Variants in ATP10A observed in about 807,000 individuals in gnomAD.
ATP10A encodes the protein ATPase phospholipid transporting 10A (putative).
ATP10A carries 111 observed loss-of-function variants against 147.8 expected under a neutral mutation model. The observed-to-expected ratio is 0.75, with a 90% CI of 0.64 to 0.88. The LOEUF is 0.88. Ranked by LOEUF, ATP10A falls within the 40% of genes least tolerant of loss-of-function variation. The probability of loss-of-function intolerance (pLI) is 0.00; values close to 1 mark genes in which losing one functional copy is unlikely to be tolerated. For synonymous variants in ATP10A, 875 were observed against 841.6 expected (o/e 1.04, Z -0.69); for missense variants, 1,927 against 1,959.0 (o/e 0.98, Z 0.31).
chr15:25,827,320 T>G (rs140202002), intron 1 of ATP10A, among the ~76,000 whole-genome samples: 52 of 152,278 alleles, frequency 3.4e-4, no homozygotes, highest in Admixed American at 1.2e-3. Context: ...CTTGAATAGA[T>G]CAGAAGAAAT....
chr15:25,808,801 A>C (rs1048895130), intron 1 of ATP10A, among the ~76,000 whole-genome samples: 1 of 152,188 alleles, frequency 6.6e-6, no homozygotes, highest in Non-Finnish European at 1.5e-5. Flanking sequence ...TACCAACTTT[A>C]TGCCAAATGC....
At chr15:25,733,440 G>A (rs897303202) in intron 3 of ATP10A, among the ~76,000 whole-genome samples, 1 of 152,204 alleles carries the variant, frequency 6.6e-6, no homozygotes, top group African/African-American at 2.4e-5. Context: ...TACCCCGGGA[G>A]TATTCCTCAC....
intron 2 of ATP10A, among the ~76,000 whole-genome samples, chr15:25,763,425 T>C (rs1888862721): frequency 6.6e-6 from 1 of 152,184 alleles, no homozygotes. Flanking sequence ...CACTTCCTCC[T>C]GGTGAAGTTG....
chr15:25,768,540 C>CTTTT (rs59228132), intron 2 of ATP10A, among the ~76,000 whole-genome samples: 1 of 132,218 alleles, frequency 7.6e-6, no homozygotes, highest in African/African-American at 2.8e-5. Flanking sequence ...CTCTCTCTCT[C>CTTTT]TTTTTTTTTT....
rs147170590 is a variant in ATP10A at position 25,680,932 on chromosome 15, C to A, written c.3574-18G>T. On this transcript the variant is annotated intron_variant, in intron 18 of 20. Transcript: ENST00000555815. ...TAGTAGGCCTGAAAGACAGTGGGGT[C>A]CTGGATCTGTAGGTCCCCGGATCCA... is the stretch of plus-strand genomic sequence containing the variant. 6.2e-7 allele frequency: 1 copy of A among 1,613,756 alleles called. No individual in the cohort carries two copies. Among genetic ancestry groups the A allele is most frequent in the African/African-American group, 1.3e-5 (1 of 75,004 alleles).
intron 2 of ATP10A, among the ~76,000 whole-genome samples, chr15:25,755,472 C>T (rs148922197): frequency 8.3e-4 from 126 of 152,288 alleles, no homozygotes; most frequent in East Asian, 1.2e-3. Flanking sequence ...AGTGTTTCAG[C>T]TCCATGGCAA....
At chr15:25,737,902 C>T (rs978242645) in intron 2 of ATP10A, among the ~76,000 whole-genome samples, 12 of 152,102 alleles carry the variant, frequency 7.9e-5, no homozygotes, top group African/African-American at 2.9e-4. Flanking sequence ...AAAAAAGAGG[C>T]CTCAAAAGAA....
chr15:25,785,560 G>C (rs1244141989), intron 1 of ATP10A, among the ~76,000 whole-genome samples: 1 of 152,228 alleles, frequency 6.6e-6, no homozygotes, highest in African/African-American at 2.4e-5. Context: ...ACAGGCTGTA[G>C]TGACAGAAAC....
At chr15:25,805,285 C>T (rs1380427998) in intron 1 of ATP10A, among the ~76,000 whole-genome samples, 1 of 152,190 alleles carries the variant, frequency 6.6e-6, no homozygotes, top group African/African-American at 2.4e-5. Context: ...GGGACTGGAG[C>T]CACGCCACCA....
intron 2 of ATP10A, among the ~76,000 whole-genome samples, chr15:25,764,900 T>C (rs1284943325): frequency 6.6e-6 from 1 of 152,092 alleles, no homozygotes; most frequent in East Asian, 1.9e-4. Context: ...CATGACTGGG[T>C]TCAGGAAATG....
Position 25,707,961 on chromosome 15 carries a change from T to C in ATP10A, c.2575+15A>G, listed in dbSNP as rs1901143761. 6.2e-7 allele frequency: 1 copy of C among 1,613,300 alleles called. No individual in the cohort carries two copies. Among genetic ancestry groups the C allele is most frequent in the African/African-American group, 1.3e-5 (1 of 75,048 alleles). On this transcript the variant is annotated intron_variant, in intron 12 of 20. Transcript: ENST00000555815. ...TCCACACTGCCCTTAGGCATGCGAC[T>C]CTCAAGTTAATTACCTAACAAGTGC...
chr15:25,672,912 G>C (rs1470315403), downstream of ATP10A, among the ~76,000 whole-genome samples: 1 of 152,170 alleles, frequency 6.6e-6, no homozygotes, highest in Non-Finnish European at 1.5e-5. Context: ...AAGACGAGGT[G>C]TGCGGAGGGT....
At chr15:25,680,464 T>C (rs1899342403) in intron 19 of ATP10A, among the ~76,000 whole-genome samples, 156 bp from the exon 20 acceptor site, 1 of 151,996 alleles carries the variant, frequency 6.6e-6, no homozygotes, top group South Asian at 2.1e-4. Context: ...TGGGGCTCAA[T>C]GAGGCCTCCA....
intron 15 of ATP10A, among the ~76,000 whole-genome samples, 183 bp downstream of exon 15, chr15:25,691,531 AT>A (rs1455689570): frequency 6.6e-6 from 1 of 152,222 alleles, no homozygotes; most frequent in African/African-American, 2.4e-5. Context: ...AACAGGAAGA[AT>A]GGCATTCCTC....
chr15:25,740,863 C>G (rs927192513), intron 2 of ATP10A, among the ~76,000 whole-genome samples: 1 of 152,214 alleles, frequency 6.6e-6, no homozygotes, highest in African/African-American at 2.4e-5. Flanking sequence ...CAAAGCTCTG[C>G]TCAGGGTCAC....
upstream of ATP10A, among the ~76,000 whole-genome samples, chr15:25,864,075 G>C (rs545552862): frequency 1.5e-4 from 22 of 150,174 alleles, no homozygotes; most frequent in African/African-American, 5.5e-4. Flanking sequence ...GTGCGCTGTA[G>C]CTCTGAGGTG....
intron 2 of ATP10A, among the ~76,000 whole-genome samples, chr15:25,745,697 CA>C (rs1274629444): frequency 6.6e-6 from 1 of 152,046 alleles, no homozygotes; most frequent in Non-Finnish European, 1.5e-5. Flanking sequence ...ATGTCTTTGG[CA>C]ATTCATAAAC....
downstream of ATP10A, among the ~76,000 whole-genome samples, chr15:25,674,695 A>G (rs1446454348): frequency 2.6e-5 from 4 of 152,178 alleles, no homozygotes; most frequent in African/African-American, 9.7e-5. Flanking sequence ...TTTAACTTTG[A>G]GATGCAAAGT....
In ATP10A at chr15:25,707,893, C is replaced by G. The variant is rs375559454; in HGVS notation, c.2575+83G>C. 3.9e-6 allele frequency: 6 copies of G among 1,554,854 alleles called. No individual in the cohort carries two copies. In the African/African-American group the frequency reaches 6.8e-5, roughly 18 times the overall value. The stretch of plus-strand genomic sequence containing the variant: ...AACCAAGGCCAGCCTGCGGAGCAGC[C>G]GCTGACAAGAGCACTCACCCCTCCA... On this transcript the variant is annotated intron_variant, in intron 12 of 20. Coordinates refer to ENST00000555815, the MANE Select transcript of ATP10A (RefSeq NM_024490.4).
Sources: allele counts gnomAD v4.1 joint callset (sites outside exome capture counted in the v4.1 genomes callset), GRCh38; gene constraint gnomAD v4.1.1; transcripts MANE v1.5; gene names NCBI Gene and HGNC (gene_info 2026-07-23, HGNC 2026-07-21).